ZNHIT6: variants seen among roughly 807,000 people sequenced by gnomAD.
ZNHIT6 encodes zinc finger HIT-type containing 6.
A neutral mutation model predicts 57.2 loss-of-function variants in ZNHIT6; 45 were observed. That is an observed-to-expected ratio of 0.79 (90% CI 0.62 to 1.01). The LOEUF (loss-of-function observed/expected upper bound fraction) is 1.01, where lower values mean the gene tolerates loss of function less well. Among genes scored for constraint, ZNHIT6 ranks in the 50% least tolerant of loss-of-function variants. The pLI is 0.00. For missense variants in ZNHIT6, 528 were observed against 567.3 expected (o/e 0.93, Z 0.70); for synonymous variants, 188 against 190.0 (o/e 0.99, Z 0.09).
Position 85,650,082 on chromosome 1 carries a change from C to T in ZNHIT6, c.*3976G>A, listed in dbSNP as rs145210007. The T allele has an allele frequency of 7.2e-5, 11 of 152,326 alleles. No homozygotes were observed. In the East Asian group the frequency reaches 1.5e-3, roughly 21 times the overall value. The allele number at this position is 152,326 out of a possible 1,614,324, so 9.4% of individuals were successfully genotyped here. On this transcript the variant is annotated 3_prime_UTR_variant, in exon 10 of 10. Transcript: ENST00000370574. ...ACTACCTTTCCTCACCTGCTCCCTA[C>T]ATTCTGGCTTTCTTCTAAAAATTTC...
At chr1:85,685,140 T>C in intron 5 of ZNHIT6, among the ~76,000 whole-genome samples, 1 of 152,168 alleles carries the variant, frequency 6.6e-6, no homozygotes, top group Non-Finnish European at 1.5e-5. Flanking sequence ...AAATAAAAAT[T>C]TGTAATTGAA....
chr1:85,653,955 T>C lies in ZNHIT6; in HGVS notation c.*103A>G, dbSNP rs1660985008. 10 of 848,500 alleles carry C rather than the reference T, an allele frequency of 1.2e-5. No homozygotes were observed. Among genetic ancestry groups the C allele is most frequent in the Non-Finnish European group, 1.7e-5 (9 of 532,686 alleles). The allele number at this position is 848,500 out of a possible 1,614,324, so 52.6% of individuals were successfully genotyped here. On this transcript the variant is annotated 3_prime_UTR_variant, in exon 10 of 10. Coordinates refer to ENST00000370574, the MANE Select transcript of ZNHIT6 (RefSeq NM_017953.4). Reference sequence around the variant, plus strand: ...CTTATTTTTCATACAAAGAAAAAATTCCAATCACCCATTGACAATACCCCA... The same window carrying C: ...CTTATTTTTCATACAAAGAAAAAATCCCAATCACCCATTGACAATACCCCA...
chr1:85,655,982 A>G (rs1661048705), intron 9 of ZNHIT6, among the ~76,000 whole-genome samples: 1 of 152,160 alleles, frequency 6.6e-6, no homozygotes, highest in South Asian at 2.1e-4. Flanking sequence ...GGAAAGAGAC[A>G]ACTTGTACTA....
chr1:85,667,961 A>AATATATAT (rs1553155849), intron 8 of ZNHIT6, among the ~76,000 whole-genome samples: 56 of 18,076 alleles, frequency 3.1e-3, no homozygotes, highest in East Asian at 5.3e-3. Flanking sequence ...AAAAAAAAAA[A>AATATATAT]ATATATATAT....
chr1:85,707,948 C>A lies in ZNHIT6; in HGVS notation c.337G>T (p.Gly113Cys). Reference sequence around the variant, plus strand: ...GTCTCCTGCTTCACCTCCAATACGCCTGCGTTCTCATCCTTCACCTCAGGC... The same window carrying A: ...GTCTCCTGCTTCACCTCCAATACGCATGCGTTCTCATCCTTCACCTCAGGC... Reference protein sequence around the residue: ...DRPEVKDENAGVLEVKQETDS... With the variant: ...DRPEVKDENACVLEVKQETDS... Residue 113 changes from glycine to cysteine, a missense_variant, in exon 1 of 10, where the codon GGC becomes TGC. Physicochemically the swap from Gly to Cys is radical, Grantham distance 159. Transcript: ENST00000370574. The A allele has an allele frequency of 6.2e-7, 1 of 1,614,076 alleles. No homozygotes were observed. The highest frequency in any genetic ancestry group is 8.5e-7 in the Non-Finnish European group (1 of 1,180,032).
chr1:85,679,509 C>CAACTTT (rs1403044701), intron 6 of ZNHIT6, among the ~76,000 whole-genome samples: 1 of 148,812 alleles, frequency 6.7e-6, no homozygotes, highest in Non-Finnish European at 1.5e-5. Flanking sequence ...ACTTAAAGAG[C>CAACTTT]AACTTTAAAA....
At chr1:85,694,841 G>A (rs1362211458) in intron 5 of ZNHIT6, among the ~76,000 whole-genome samples, 3 of 152,182 alleles carry the variant, frequency 2.0e-5, no homozygotes, top group Non-Finnish European at 2.9e-5. Flanking sequence ...GGGGAAATAG[G>A]AAACTTGGGA....
intron 8 of ZNHIT6, among the ~76,000 whole-genome samples, chr1:85,673,339 C>T (rs1661616121): frequency 6.6e-6 from 1 of 152,100 alleles, no homozygotes; most frequent in Admixed American, 6.6e-5. Context: ...AAGAAAACTC[C>T]CAAACAGATC....
intron 8 of ZNHIT6, among the ~76,000 whole-genome samples, chr1:85,672,324 AGGAGACC>A (rs1661579887): frequency 6.6e-6 from 1 of 152,180 alleles, no homozygotes; most frequent in African/African-American, 2.4e-5. Flanking sequence ...TCTACTGCCA[AGGAGACC>A]AGATCCAGAC....
intron 5 of ZNHIT6, among the ~76,000 whole-genome samples, chr1:85,701,803 A>G (rs1055855889): frequency 3.7e-4 from 56 of 152,338 alleles, no homozygotes; most frequent in African/African-American, 1.3e-3. Flanking sequence ...AATGAGCATC[A>G]TTGAGGAGCT....
chr1:85,681,805 T>C (rs1661883407), intron 5 of ZNHIT6, among the ~76,000 whole-genome samples: 1 of 152,172 alleles, frequency 6.6e-6, no homozygotes, highest in Non-Finnish European at 1.5e-5. Flanking sequence ...AAGTACCCTT[T>C]ACTAATCTAA....
At position 85,708,127 on chromosome 1, in the gene ZNHIT6, C is replaced by T. The variant is rs780068917; in HGVS notation, c.158G>A (p.Gly53Glu). 3.1e-6 allele frequency: 5 copies of T among 1,614,136 alleles called. No homozygotes were observed. The highest frequency in any genetic ancestry group is 4.2e-6 in the Non-Finnish European group (5 of 1,180,044). ...CTCTCCATCCCCTATCTCCTTTATC[C>T]CTGTCAGCCCTGTCCCCTCCTCTCC... ...GGGEEGTGLTGIKEIGDGEEG... is the reference protein window; with the variant it reads ...GGGEEGTGLTEIKEIGDGEEG... The change falls in exon 1 of 10, where the codon GGG becomes GAG. Residue 53 changes from glycine to glutamate, a missense_variant. By Grantham distance (98) the Gly-to-Glu change is moderately conservative. Transcript: ENST00000370574.
chr1:85,673,605 C>G (rs1245616456), intron 8 of ZNHIT6, among the ~76,000 whole-genome samples: 1 of 152,120 alleles, frequency 6.6e-6, no homozygotes, highest in Admixed American at 6.5e-5. Context: ...TAAACAGCCA[C>G]AAAGAAACTA....
intron 5 of ZNHIT6, among the ~76,000 whole-genome samples, chr1:85,688,228 A>AT (rs1662120702): frequency 6.6e-6 from 1 of 152,182 alleles, no homozygotes; most frequent in Non-Finnish European, 1.5e-5. Flanking sequence ...GTAAAATATT[A>AT]TTATTTCATT....
At chr1:85,665,816 C>T (rs1661354359) in intron 8 of ZNHIT6, among the ~76,000 whole-genome samples, 3 of 152,104 alleles carry the variant, frequency 2.0e-5, no homozygotes, top group Admixed American at 2.0e-4. Context: ...CTCAGAGAAA[C>T]TTTTGCTTAG....
chr1:85,668,882 G>A (rs1661464027), intron 8 of ZNHIT6, among the ~76,000 whole-genome samples: 1 of 152,018 alleles, frequency 6.6e-6, no homozygotes, highest in African/African-American at 2.4e-5. Flanking sequence ...ACATTGTGTG[G>A]GAACCAAAAA....
intron 4 of ZNHIT6, among the ~76,000 whole-genome samples, chr1:85,704,704 A>G (rs1208065621): frequency 1.3e-5 from 2 of 152,118 alleles, no homozygotes; most frequent in Non-Finnish European, 2.9e-5. Flanking sequence ...TATATGAATA[A>G]TTTTCTTTCA....
intron 5 of ZNHIT6, among the ~76,000 whole-genome samples, chr1:85,692,227 G>A (rs548281972): frequency 1.3e-5 from 2 of 151,640 alleles, no homozygotes; most frequent in African/African-American, 4.8e-5. Flanking sequence ...CACAAAGGAT[G>A]GACTTGGTGA....
rs1660873738 is a variant in ZNHIT6, at chr1:85,650,532, T to TACAG, written c.*3522_*3525dup. On this transcript the variant is annotated 3_prime_UTR_variant, in exon 10 of 10. Coordinates refer to ENST00000370574, the MANE Select transcript of ZNHIT6 (RefSeq NM_017953.4). ...AACAACACATTTTAATGCAACAGAG[T>TACAG]ACAGCTTAGTCCATTTTGTGTCGCT... The TACAG allele has an allele frequency of 6.6e-6, 1 of 152,194 alleles. No individual in the cohort carries two copies. The highest frequency in any genetic ancestry group is 1.9e-4 in the East Asian group (1 of 5,202). The allele number at this position is 152,194 out of a possible 1,614,324, so 9.4% of individuals were successfully genotyped here. A position where few individuals can be genotyped will look rare whatever the true frequency, so the allele number is the denominator to read the frequency against.
Sources: allele counts gnomAD v4.1 joint callset (sites outside exome capture counted in the v4.1 genomes callset), GRCh38; gene constraint gnomAD v4.1.1; transcripts MANE v1.5; gene names NCBI Gene and HGNC (gene_info 2026-07-23, HGNC 2026-07-21).